CTDSPL2: variants seen among roughly 807,000 people sequenced by gnomAD.
CTDSPL2 encodes CTD small phosphatase like 2.
Under a neutral mutation model 60.0 loss-of-function variants are expected in CTDSPL2, and 5 were observed. The observed-to-expected ratio is 0.08, with a 90% confidence interval of 0.04 to 0.18. The LOEUF (loss-of-function observed/expected upper bound fraction) is 0.18, where lower values mean the gene tolerates loss of function less well. Ranked by LOEUF, CTDSPL2 falls within the 10% of genes least tolerant of loss-of-function variation. The probability of loss-of-function intolerance (pLI) is 1.00; values close to 1 mark genes in which losing one functional copy is unlikely to be tolerated. For synonymous variants in CTDSPL2, 186 were observed against 189.3 expected (o/e 0.98, Z 0.14); for missense variants, 370 against 548.8 (o/e 0.67, Z 3.26).
intron 1 of CTDSPL2, among the ~76,000 whole-genome samples, chr15:44,455,839 ATTTTTTTTTTTT>A (rs35307134): frequency 4.6e-4 from 22 of 47,534 alleles, no homozygotes; most frequent in South Asian, 9.3e-4. Context: ...TTTATTGAGG[ATTTTTTTTTTTT>A]TTTTTTTTTT....
At chr15:44,473,258 A>T (rs2080846952) in intron 2 of CTDSPL2, among the ~76,000 whole-genome samples, 1 of 152,156 alleles carries the variant, frequency 6.6e-6, no homozygotes, top group Admixed American at 6.5e-5. Flanking sequence ...TATATCCAAG[A>T]AACTATTGGC....
At chr15:44,504,358 AAAG>A (rs1248296125) in intron 8 of CTDSPL2, among the ~76,000 whole-genome samples, 2 of 152,154 alleles carry the variant, frequency 1.3e-5, no homozygotes, top group Non-Finnish European at 2.9e-5. Flanking sequence ...TCAAAAAAGA[AAAG>A]AAAGAACAAG....
chr15:44,435,655 G>A (rs2079964271), intron 1 of CTDSPL2, among the ~76,000 whole-genome samples: 1 of 140,032 alleles, frequency 7.1e-6, no homozygotes, highest in South Asian at 2.4e-4. Flanking sequence ...CACCCAATCT[G>A]GAGCGCAGTG....
intron 8 of CTDSPL2, among the ~76,000 whole-genome samples, chr15:44,505,357 A>G (rs2081442202): frequency 6.6e-6 from 1 of 152,118 alleles, no homozygotes; most frequent in African/African-American, 2.4e-5. Context: ...CGAGAGCTTC[A>G]GGCCCTAGTG....
chr15:44,496,373 T>C lies in CTDSPL2; in HGVS notation c.692-7T>C, dbSNP rs17514635. The C allele has an allele frequency of 0.014, 21,969 of 1,605,748 alleles. 187 individuals carry two copies. The highest frequency in any genetic ancestry group is 0.018 in the Admixed American group (1,092 of 59,502). On this transcript the variant is annotated splice_region_variant and splice_polypyrimidine_tract_variant and intron_variant, in intron 5 of 12. Transcript: ENST00000260327. ...AGCAACATTTTTTCTTTCACTATGT[T>C]AAATAGCACCAGTAACTCCAGATAG...
At chr15:44,448,924 A>C (rs1595707133) in intron 1 of CTDSPL2, 2 of 416,564 alleles carry the variant, frequency 4.8e-6, no homozygotes, top group East Asian at 1.8e-4. Context: ...GGACTGTTCA[A>C]AAGTAACAGT....
intron 1 of CTDSPL2, among the ~76,000 whole-genome samples, 178 bp from the exon 2 acceptor site, chr15:44,458,813 A>G (rs1031996914): frequency 9.2e-5 from 14 of 152,316 alleles, no homozygotes; most frequent in African/African-American, 2.6e-4. Flanking sequence ...TAAATAATGT[A>G]TAAAGCATAA....
At chr15:44,486,835 C>T (rs2081129985) in intron 4 of CTDSPL2, 135 bp downstream of exon 4, 1 of 571,830 alleles carries the variant, frequency 1.7e-6, no homozygotes, top group Non-Finnish European at 2.9e-6. Flanking sequence ...GATCTCCCCG[C>T]TCACTGCAGC....
At chr15:44,509,653 A>C (rs978453133) in intron 8 of CTDSPL2, among the ~76,000 whole-genome samples, 4 of 152,084 alleles carry the variant, frequency 2.6e-5, no homozygotes, top group Non-Finnish European at 5.9e-5. Flanking sequence ...GGTTTTTTGA[A>C]ATTATATATA....
At chr15:44,496,217 G>A (rs1200837942) in intron 5 of CTDSPL2, among the ~76,000 whole-genome samples, 163 bp from the exon 6 acceptor site, 3 of 152,084 alleles carry the variant, frequency 2.0e-5, no homozygotes, top group African/African-American at 7.2e-5. Flanking sequence ...TAGATCTAAA[G>A]TTAGATCTGT....
At chr15:44,500,212 AGTAGT>A (rs1360385018) in intron 8 of CTDSPL2, among the ~76,000 whole-genome samples, 1 of 152,208 alleles carries the variant, frequency 6.6e-6, no homozygotes, top group Admixed American at 6.5e-5. Context: ...TATTTCCTAT[AGTAGT>A]AATGTGGTCT....
chr15:44,509,661 A>G (rs570119504), intron 8 of CTDSPL2, among the ~76,000 whole-genome samples: 2 of 152,044 alleles, frequency 1.3e-5, no homozygotes, highest in African/African-American at 2.4e-5. Flanking sequence ...GAAATTATAT[A>G]TATGGCTGGG....
intron 1 of CTDSPL2, among the ~76,000 whole-genome samples, chr15:44,433,766 A>G (rs989785270): frequency 6.6e-6 from 1 of 151,812 alleles, no homozygotes; most frequent in South Asian, 2.1e-4. Flanking sequence ...CCTGACCAAC[A>G]TGGTAAAACC....
At chr15:44,522,966 T>C (rs141005902) in intron 12 of CTDSPL2, among the ~76,000 whole-genome samples, 7 of 152,098 alleles carry the variant, frequency 4.6e-5, no homozygotes, top group African/African-American at 1.7e-4. Flanking sequence ...TTTGGCAGGA[T>C]GTAGTGGTGC....
chr15:44,474,561 A>G (rs2080876827), intron 2 of CTDSPL2, among the ~76,000 whole-genome samples: 1 of 152,100 alleles, frequency 6.6e-6, no homozygotes, highest in Non-Finnish European at 1.5e-5. Flanking sequence ...ACGTGGCTAT[A>G]AAGAATGCAA....
chr15:44,449,251 G>A (rs1477030409), intron 1 of CTDSPL2: 2 of 260,130 alleles, frequency 7.7e-6, no homozygotes, highest in Non-Finnish European at 1.6e-5. Context: ...ACTTTCAGTG[G>A]TCTTCCACTC....
intron 1 of CTDSPL2, among the ~76,000 whole-genome samples, chr15:44,434,805 T>A (rs769695525): frequency 7.9e-5 from 12 of 152,238 alleles, no homozygotes; most frequent in Non-Finnish European, 1.6e-4. Flanking sequence ...TGTATAGTTC[T>A]GTATTTTGCC....
chr15:44,520,487 G>A (rs2081746709), intron 11 of CTDSPL2: 2 of 152,124 alleles, frequency 1.3e-5, no homozygotes, highest in South Asian at 2.1e-4. Context: ...TTCACAATAA[G>A]CCAGTCCAGA....
At chr15:44,521,953 A>AC (rs1258531303) in intron 12 of CTDSPL2, among the ~76,000 whole-genome samples, 12 of 150,012 alleles carry the variant, frequency 8.0e-5, no homozygotes, top group East Asian at 5.8e-4. Flanking sequence ...AAAAAAAAAA[A>AC]AAAAAAAAAA....
Sources: gnomAD v4.1 joint callset for allele counts (sites outside exome capture counted in the v4.1 genomes callset) on GRCh38, gnomAD v4.1.1 for gene constraint, MANE v1.5 for transcripts, NCBI Gene and HGNC (gene_info 2026-07-23, HGNC 2026-07-21) for gene names.